EDIL3: variants seen among roughly 807,000 people sequenced by gnomAD.
The protein encoded by EDIL3 is EGF-like repeat and discoidin I-like domain-containing protein 3.
EDIL3 carries 37 observed loss-of-function variants against 67.4 expected under a neutral mutation model. The observed-to-expected ratio is 0.55, with a 90% confidence interval of 0.42 to 0.72. The LOEUF (loss-of-function observed/expected upper bound fraction) is 0.72. Among genes scored for constraint, EDIL3 ranks in the 30% least tolerant of loss-of-function variants. The probability of loss-of-function intolerance (pLI) is 0.00; values close to 1 mark genes in which losing one functional copy is unlikely to be tolerated. For synonymous variants in EDIL3, 195 were observed against 196.3 expected (o/e 0.99, Z 0.05); for missense variants, 527 against 586.3 (o/e 0.90, Z 1.04).
intron 4 of EDIL3, among the ~76,000 whole-genome samples, chr5:84,139,010 C>A (rs1052366901): frequency 1.3e-5 from 2 of 152,118 alleles, no homozygotes. Flanking sequence ...CAGGCCAAGG[C>A]GGGTGGATCA....
intron 1 of EDIL3, among the ~76,000 whole-genome samples, chr5:84,354,328 C>T (rs1348275987): frequency 6.6e-6 from 1 of 152,072 alleles, no homozygotes; most frequent in Admixed American, 6.6e-5. Flanking sequence ...TTTTTTAATA[C>T]CTCGCCATTT....
chr5:84,272,455 T>A lies in EDIL3; in HGVS notation c.68-18243A>T, dbSNP rs73769788. On this transcript the variant is annotated intron_variant, in intron 1 of 10. Transcript: ENST00000296591. ...TTATTTATCAAAGATTTGTTGATAT[T>A]AATAAGCAATTTATTGAATATTTCC... Among the ~76,000 whole-genome samples, 1,021 of 152,254 alleles carry A rather than the reference T, an allele frequency of 6.7e-3. 10 individuals carry two copies. Among genetic ancestry groups the A allele is most frequent in the African/African-American group, 0.023 (972 of 41,556 alleles).
At chr5:83,987,854 G>GGTGTGT (rs141209055) in intron 9 of EDIL3, among the ~76,000 whole-genome samples, 3 of 113,018 alleles carry the variant, frequency 2.7e-5, no homozygotes, top group African/African-American at 9.7e-5. Context: ...CAGCTGATAG[G>GGTGTGT]GTGTGTGTGT....
At chr5:84,339,407 T>C (rs1333554786) in intron 1 of EDIL3, among the ~76,000 whole-genome samples, 1 of 152,134 alleles carries the variant, frequency 6.6e-6, no homozygotes, top group African/African-American at 2.4e-5. Context: ...CTTACTTTTA[T>C]CTCCTTTAAC....
intron 9 of EDIL3, among the ~76,000 whole-genome samples, chr5:83,966,908 C>A (rs1258427569): frequency 2.0e-5 from 3 of 151,986 alleles, no homozygotes; most frequent in Non-Finnish European, 4.4e-5. Context: ...AGTTCTGGAT[C>A]ATAAAATATT....
intron 9 of EDIL3, among the ~76,000 whole-genome samples, chr5:84,031,252 A>C (rs910627484): frequency 6.6e-6 from 1 of 152,228 alleles, no homozygotes; most frequent in African/African-American, 2.4e-5. Flanking sequence ...AATTCAGCCC[A>C]TAACAGTAAC....
At chr5:84,239,081 A>G (rs537144317) in intron 2 of EDIL3, among the ~76,000 whole-genome samples, 18 of 152,310 alleles carry the variant, frequency 1.2e-4, no homozygotes, top group African/African-American at 4.1e-4. Flanking sequence ...TCTCTCTCCC[A>G]GAGCTCACCT....
At chr5:84,305,635 T>C (rs540622615) in intron 1 of EDIL3, among the ~76,000 whole-genome samples, 17 of 152,266 alleles carry the variant, frequency 1.1e-4, no homozygotes, top group African/African-American at 4.1e-4. Context: ...ATCCCGGCAT[T>C]TTGGGAGGCC....
chr5:84,157,174 G>GT (rs1748508390), intron 4 of EDIL3, among the ~76,000 whole-genome samples: 3 of 151,822 alleles, frequency 2.0e-5, no homozygotes, highest in Admixed American at 1.3e-4. Context: ...CAACCTTTTG[G>GT]TTTTCTCTTT....
At chr5:84,008,462 G>A (rs1441645871) in intron 9 of EDIL3, among the ~76,000 whole-genome samples, 1 of 151,986 alleles carries the variant, frequency 6.6e-6, no homozygotes, top group Non-Finnish European at 1.5e-5. Flanking sequence ...GGGAAACAGA[G>A]TGGATTACAT....
At chr5:83,996,236 T>C (rs551965450) in intron 9 of EDIL3, among the ~76,000 whole-genome samples, 5 of 152,288 alleles carry the variant, frequency 3.3e-5, no homozygotes, top group African/African-American at 9.6e-5. Flanking sequence ...CAGTGTTGAG[T>C]AGAATTTTCA....
chr5:84,290,107 G>A (rs62360085), intron 1 of EDIL3, among the ~76,000 whole-genome samples: 10,967 of 152,050 alleles, frequency 0.072, 550 homozygotes, highest in Middle Eastern at 0.15. Context: ...AAGCTCACAA[G>A]TTAGTACCTC....
At chr5:84,012,887 A>G (rs1745540651) in intron 9 of EDIL3, among the ~76,000 whole-genome samples, 1 of 152,044 alleles carries the variant, frequency 6.6e-6, no homozygotes, top group Non-Finnish European at 1.5e-5. Flanking sequence ...CTTTCACTTT[A>G]GAAGACTCTA....
At chr5:83,969,126 CA>C (rs1211417307) in intron 9 of EDIL3, among the ~76,000 whole-genome samples, 3 of 151,520 alleles carry the variant, frequency 2.0e-5, no homozygotes, top group African/African-American at 7.3e-5. Flanking sequence ...CTTAATATTT[CA>C]ATAGTAATTA....
At chr5:84,028,946 G>A (rs905113346) in intron 9 of EDIL3, among the ~76,000 whole-genome samples, 1 of 152,054 alleles carries the variant, frequency 6.6e-6, no homozygotes, top group Non-Finnish European at 1.5e-5. Flanking sequence ...TCTCATGACA[G>A]TGAATAAATC....
chr5:84,253,259 C>T (rs1745067162), intron 2 of EDIL3, among the ~76,000 whole-genome samples: 1 of 152,162 alleles, frequency 6.6e-6, no homozygotes, highest in African/African-American at 2.4e-5. Flanking sequence ...GTTGACAAAA[C>T]ATGTTTGGTT....
chr5:84,308,911 A>G (rs2112139549), intron 1 of EDIL3, among the ~76,000 whole-genome samples: 1 of 152,324 alleles, frequency 6.6e-6, no homozygotes, highest in East Asian at 1.9e-4. Flanking sequence ...CGAAAATTCC[A>G]TCACCAATCA....
At chr5:84,063,342 C>T (rs1746577433) in intron 8 of EDIL3, among the ~76,000 whole-genome samples, 1 of 152,052 alleles carries the variant, frequency 6.6e-6, no homozygotes, top group South Asian at 2.1e-4. Context: ...CACTGTATAG[C>T]AATAAGTCTG....
Position 84,052,867 on chromosome 5 carries a change from T to TC in EDIL3, c.1137+7432_1137+7433insG, listed in dbSNP as rs528491468. Among the ~76,000 whole-genome samples the TC allele has an allele frequency of 3.3e-4, 50 of 152,300 alleles. 1 individual carries two copies. The South Asian group carries it at 9.7e-3, about 30-fold the overall frequency. On this transcript the variant is annotated intron_variant, in intron 9 of 10. Coordinates refer to ENST00000296591, the MANE Select transcript of EDIL3 (RefSeq NM_005711.5). ...CCCACACAATAATAATGGGAGACTT[T>TC]AATACCCCACTGTCAACATTAGACA...
Sources: gnomAD v4.1 joint callset for allele counts (sites outside exome capture counted in the v4.1 genomes callset) on GRCh38, gnomAD v4.1.1 for gene constraint, MANE v1.5 for transcripts, NCBI Gene and HGNC (gene_info 2026-07-23, HGNC 2026-07-21) for gene names.